AIG1: variants seen among roughly 807,000 people sequenced by gnomAD.
AIG1 encodes androgen induced 1, also known as androgen-induced gene 1 protein.
AIG1 carries 23 observed loss-of-function variants against 31.4 expected under a neutral mutation model. That is an observed-to-expected ratio of 0.73 (90% CI 0.53 to 1.04). The LOEUF (loss-of-function observed/expected upper bound fraction) is 1.04. Among genes scored for constraint, AIG1 ranks in the 50% least tolerant of loss-of-function variants. The pLI, the probability that AIG1 is intolerant of heterozygous loss-of-function variation, is 0.00. For synonymous variants in AIG1, 100 were observed against 110.5 expected (o/e 0.90, Z 0.60); for missense variants, 274 against 295.0 (o/e 0.93, Z 0.52).
Position 143,334,031 on chromosome 6 carries a change from T to C in AIG1, c.679+586T>C. On this transcript the variant is annotated intron_variant, in intron 5 of 5. Transcript: ENST00000357847. This position sits in a 1 kb window ranked among gnomAD's most constrained non-coding sequence, Gnocchi z 5.1. ...GATAATATTTCGTGGCTGGAAAAAC[T>C]CTTTTAACCTGTGATTTGATTTCTC... The C allele has an allele frequency of 6.5e-7, 1 of 1,545,956 alleles. No homozygotes were observed. The highest frequency in any genetic ancestry group is 1.4e-5 in the African/African-American group (1 of 72,782).
rs1030749598 is a variant in AIG1 at position 143,333,523 on chromosome 6, C to T, written c.679+78C>T. 2.0e-5 allele frequency: 29 copies of T among 1,436,004 alleles called. No individual in the cohort carries two copies. In the Admixed American group the frequency reaches 5.6e-4, roughly 28 times the overall value. The allele number at this position is 1,436,004 out of a possible 1,614,324, so 89.0% of individuals were successfully genotyped here. A position where few individuals can be genotyped will look rare whatever the true frequency, so the allele number is the denominator to read the frequency against. On this transcript the variant is annotated intron_variant, in intron 5 of 5. Coordinates refer to ENST00000357847, the MANE Select transcript of AIG1 (RefSeq NM_016108.4). This position sits in a 1 kb window ranked among gnomAD's most constrained non-coding sequence, Gnocchi z 4.6. ...CTATGCAGAGACTGAGGGAAAATTCCACTGTAGCCTCTTCTTTTAGCCTTC... is the reference window on the plus strand; with the variant it reads ...CTATGCAGAGACTGAGGGAAAATTCTACTGTAGCCTCTTCTTTTAGCCTTC...
chr6:143,273,793 A>G (rs1036810794), intron 3 of AIG1, among the ~76,000 whole-genome samples: 16 of 152,156 alleles, frequency 1.1e-4, no homozygotes, highest in African/African-American at 3.9e-4. Context: ...AACTGCCCCC[A>G]TGATTCAATT....
intron 4 of AIG1, among the ~76,000 whole-genome samples, chr6:143,319,673 G>A (rs1776045465): frequency 6.6e-6 from 1 of 150,782 alleles, no homozygotes; most frequent in Admixed American, 6.6e-5. Flanking sequence ...TAAGAGTTGG[G>A]TTTTTTTTTG....
Position 143,137,009 on chromosome 6 carries a change from G to A in AIG1, c.297+19G>A, listed in dbSNP as rs765733456. On this transcript the variant is annotated intron_variant, in intron 2 of 5. Transcript: ENST00000357847. ...TGGGGTTGTGAGTATGATGGAGGAT[G>A]CATTTAGCCACAAAAGAAACTTGGC... The A allele has an allele frequency of 3.7e-6, 5 of 1,351,948 alleles. No individual in the cohort carries two copies. The highest frequency in any genetic ancestry group is 2.0e-4 in the Middle Eastern group (1 of 5,068). 83.7% of individuals were successfully genotyped at this position (1,351,948 alleles called of 1,614,324 possible).
rs2128728551 is a variant in AIG1, at chr6:143,340,980, T to C, written c.*1304T>C. ...AATGAAAAGCATTAAACTTTTTAAT[T>C]TGAAAAAAATTTAAACTCAAAAAGT... On this transcript the variant is annotated 3_prime_UTR_variant, in exon 6 of 6. Transcript: ENST00000357847. Among the ~76,000 whole-genome samples, 1 of 152,236 alleles carries C rather than the reference T, an allele frequency of 6.6e-6. No homozygotes were observed. Among genetic ancestry groups the C allele is most frequent in the East Asian group, 1.9e-4 (1 of 5,184 alleles).
intron 4 of AIG1, among the ~76,000 whole-genome samples, chr6:143,287,820 C>T (rs1231011575): frequency 6.9e-5 from 10 of 145,260 alleles, no homozygotes; most frequent in Admixed American, 5.6e-4. Flanking sequence ...GTAGTATAAA[C>T]AGTAATGTTT....
chr6:143,216,491 G>A (rs1289027212), intron 3 of AIG1, among the ~76,000 whole-genome samples: 3 of 152,180 alleles, frequency 2.0e-5, no homozygotes, highest in African/African-American at 7.2e-5. Flanking sequence ...ATAGCTTACT[G>A]TACTCTGTTA....
downstream of AIG1, among the ~76,000 whole-genome samples, chr6:143,341,927 AT>A (rs1007598200): frequency 6.6e-6 from 1 of 151,768 alleles, no homozygotes; most frequent in Non-Finnish European, 1.5e-5. Context: ...GTACTAAAAA[AT>A]TTTTTTTTGT....
In AIG1 at chr6:143,255,024, G is replaced by T. The variant is rs117596026; in HGVS notation, c.400-29086G>T. 9.4e-3 allele frequency among the ~76,000 whole-genome samples: 1,435 copies of T among 152,242 alleles called. 44 individuals carry two copies. The highest frequency in any genetic ancestry group is 0.065 in the East Asian group (337 of 5,190). On this transcript the variant is annotated intron_variant, in intron 3 of 5. Coordinates refer to ENST00000357847, the MANE Select transcript of AIG1 (RefSeq NM_016108.4). The stretch of plus-strand genomic sequence containing the variant: ...GCTGCACTCCAGCCTGAGTGACAGT[G>T]AGAACCTGTCTCAAAAGATTCTCCT...
At chr6:143,262,226 A>G (rs946535823) in intron 3 of AIG1, among the ~76,000 whole-genome samples, 1 of 152,240 alleles carries the variant, frequency 6.6e-6, no homozygotes, top group African/African-American at 2.4e-5. Context: ...AGGGAAGGTA[A>G]ATGGGCTTAC....
intron 2 of AIG1, among the ~76,000 whole-genome samples, chr6:143,156,940 C>T (rs1785826807): frequency 6.6e-6 from 1 of 152,202 alleles, no homozygotes; most frequent in Non-Finnish European, 1.5e-5. Context: ...TGGCCAGCAA[C>T]TGATAGTCCT....
rs1447934798 is a variant in AIG1, at chr6:143,090,901, G to C, written c.141+29835G>C. 2.0e-5 allele frequency among the ~76,000 whole-genome samples: 3 copies of C among 151,376 alleles called. No homozygotes were observed. The East Asian group carries it at 5.8e-4, about 29-fold the overall frequency. On this transcript the variant is annotated intron_variant, in intron 1 of 5. Transcript: ENST00000357847. ...GATTGTTCTGTACCGTGCAATGCTT[G>C]GTAGCATTTTACCCACAATAGAACT...
Position 143,229,582 on chromosome 6 carries a change from A to G in AIG1, c.400-54528A>G, listed in dbSNP as rs187823202. On this transcript the variant is annotated intron_variant, in intron 3 of 5. Transcript: ENST00000357847. ...CACCCTCATTTACCAGGAGACTGCTATGATGTCATTGCTTGTGTCTCAAAT... is the reference window on the plus strand; with the variant it reads ...CACCCTCATTTACCAGGAGACTGCTGTGATGTCATTGCTTGTGTCTCAAAT... Among the ~76,000 whole-genome samples the G allele has an allele frequency of 1.4e-4, 22 of 152,334 alleles. No individual in the cohort carries two copies. The East Asian group carries it at 3.9e-3, about 27-fold the overall frequency.
At chr6:143,270,946 G>A (rs1020501913) in intron 3 of AIG1, among the ~76,000 whole-genome samples, 5 of 152,188 alleles carry the variant, frequency 3.3e-5, no homozygotes, top group African/African-American at 1.2e-4. Context: ...TTGCATGTGT[G>A]TGTGCATATG....
At chr6:143,273,892 T>G (rs901412276) in intron 3 of AIG1, among the ~76,000 whole-genome samples, 10 of 152,122 alleles carry the variant, frequency 6.6e-5, no homozygotes, top group African/African-American at 2.4e-4. Context: ...CCAAACCATA[T>G]CAGTTTCCAA....
At chr6:143,186,031 C>G (rs1004281633) in intron 3 of AIG1, among the ~76,000 whole-genome samples, 1 of 152,120 alleles carries the variant, frequency 6.6e-6, no homozygotes, top group African/African-American at 2.4e-5. Context: ...ACAAACAGCA[C>G]AGCTATATCT....
At chr6:143,131,674 A>G (rs1019494778) in intron 1 of AIG1, among the ~76,000 whole-genome samples, 1 of 152,238 alleles carries the variant, frequency 6.6e-6, no homozygotes, top group Non-Finnish European at 1.5e-5. Context: ...TTAGTCTCAC[A>G]ATGTCAAGGG....
chr6:143,132,247 A>G (rs571044087), intron 1 of AIG1, among the ~76,000 whole-genome samples: 26 of 152,314 alleles, frequency 1.7e-4, no homozygotes, highest in African/African-American at 5.8e-4. Context: ...ATTGATCTGT[A>G]TAGATTTCCA....
upstream of AIG1, chr6:143,060,483 T>TCGCCC: frequency 4.2e-6 from 1 of 240,560 alleles, no homozygotes; most frequent in Non-Finnish European, 9.4e-6. Flanking sequence ...CCCCGCCCCC[T>TCGCCC]CGCCCGGCCC....
Sources: allele counts gnomAD v4.1 joint callset (sites outside exome capture counted in the v4.1 genomes callset), GRCh38; gene constraint gnomAD v4.1.1; non-coding constraint Gnocchi (gnomAD v3.1); transcripts MANE v1.5; gene names NCBI Gene and HGNC (gene_info 2026-07-23, HGNC 2026-07-21).